Variants in MAPDA observed in about 807,000 individuals in gnomAD.
MAPDA encodes the protein N6-Methyl-AMP deaminase, also known as N6,N6-dimethyl-AMP deaminase.
At chr15:43,333,446 C>T in the MAPDA span, 44 of 151,692 alleles carry the variant, frequency 2.9e-4, no homozygotes, top group African/African-American at 1.0e-3. Context: ...TATGTTTTTC[C>T]ATTTTAATTA....
chr15:43,351,861 C>G, the MAPDA span: 2 of 1,551,656 alleles, frequency 1.3e-6, no homozygotes, highest in Non-Finnish European at 1.7e-6. Flanking sequence ...ATGAATCCAT[C>G]AACTACATCT....
the MAPDA span, among the ~76,000 whole-genome samples, chr15:43,342,447 A>T: frequency 0.03 from 3,885 of 128,804 alleles, 67 homozygotes; most frequent in Non-Finnish European, 0.043. Flanking sequence ...TATCCCTTTT[A>T]AAAAAAAAAA....
At chr15:43,342,372 C>T in the MAPDA span, among the ~76,000 whole-genome samples, 1 of 150,644 alleles carries the variant, frequency 6.6e-6, no homozygotes, top group Admixed American at 6.6e-5. Context: ...ACACTAAGCC[C>T]GAGCAGGATT....
At chr15:43,354,221 A>T in the MAPDA span, 1 of 152,180 alleles carries the variant, frequency 6.6e-6, no homozygotes, top group Non-Finnish European at 1.5e-5. Flanking sequence ...GAGCAGAGGA[A>T]AAAAGTTTGT....
At chr15:43,335,833 G>A in the MAPDA span, 2 of 1,610,322 alleles carry the variant, frequency 1.2e-6, no homozygotes, top group African/African-American at 2.7e-5. Context: ...AAGAGTAAGT[G>A]TGGGGAGGTT....
chr15:43,349,011 G>GGT, the MAPDA span: 5 of 1,614,044 alleles, frequency 3.1e-6, no homozygotes, highest in African/African-American at 6.7e-5. Context: ...CCCTGGATCT[G>GGT]GTGGACTTTG....
At chr15:43,331,838 A>C in the MAPDA span, 1 of 152,242 alleles carries the variant, frequency 6.6e-6, no homozygotes, top group Non-Finnish European at 1.5e-5. Context: ...AGAAGGAAAA[A>C]AGGGTCAGGG....
At chr15:43,344,762 T>C in the MAPDA span, among the ~76,000 whole-genome samples, 67,977 of 149,042 alleles carry the variant, frequency 0.46, 19,705 homozygotes, top group African/African-American at 0.83. Context: ...GCTGAGATCG[T>C]GCCATTTCAC....
At chr15:43,333,319 AGT>A in the MAPDA span, 2 of 151,940 alleles carry the variant, frequency 1.3e-5, no homozygotes, top group Admixed American at 1.3e-4. Flanking sequence ...AGGAGGCTGA[AGT>A]GGGAGGATCG....
the MAPDA span, among the ~76,000 whole-genome samples, chr15:43,344,488 A>C: frequency 3.3e-5 from 5 of 152,194 alleles, no homozygotes; most frequent in African/African-American, 1.2e-4. Context: ...TGCTTTAAAA[A>C]ATTATAGGGG....
At chr15:43,343,719 C>G in the MAPDA span, among the ~76,000 whole-genome samples, 1 of 151,824 alleles carries the variant, frequency 6.6e-6, no homozygotes, top group African/African-American at 2.4e-5. Flanking sequence ...TGTAGTGAAG[C>G]CAAGGACCTT....
chr15:43,330,429 C>T, the MAPDA span: 5 of 1,558,442 alleles, frequency 3.2e-6, no homozygotes, highest in Non-Finnish European at 4.3e-6. Flanking sequence ...TTGCTGAGGG[C>T]GCTGCTGTCG....
At chr15:43,351,686 A>T in the MAPDA span, 1 of 1,443,540 alleles carries the variant, frequency 6.9e-7, no homozygotes. Context: ...CTCTAAACAA[A>T]AAGATGGTTG....
chr15:43,340,500 CCT>C, the MAPDA span: 4 of 642,896 alleles, frequency 6.2e-6, 1 homozygote, highest in South Asian at 8.0e-5. Flanking sequence ...CAGTCCAAGT[CCT>C]CTCTCTGATG....
At chr15:43,345,744 C>T in the MAPDA span, 1 of 1,326,282 alleles carries the variant, frequency 7.5e-7, no homozygotes, top group South Asian at 1.3e-5. Flanking sequence ...CTATACTTTT[C>T]CTAGTGAGAT....
the MAPDA span, chr15:43,351,780 C>T: frequency 1.3e-6 from 2 of 1,550,286 alleles, no homozygotes; most frequent in Non-Finnish European, 1.7e-6. Flanking sequence ...TTGCAACACA[C>T]CTTTCTCAAG....
chr15:43,343,178 T>C, the MAPDA span: 2 of 765,968 alleles, frequency 2.6e-6, no homozygotes, highest in Non-Finnish European at 4.0e-6. Flanking sequence ...TAATCATTCA[T>C]TGATTTATAC....
At chr15:43,334,959 A>T in the MAPDA span, 3 of 591,398 alleles carry the variant, frequency 5.1e-6, no homozygotes, top group Non-Finnish European at 8.7e-6. Flanking sequence ...AGCTGAACCC[A>T]GATCTACACA....
At chr15:43,330,686 G>A in the MAPDA span, 1 of 526,492 alleles carries the variant, frequency 1.9e-6, no homozygotes, top group Admixed American at 3.8e-5. Flanking sequence ...CCAGTGCTAA[G>A]TTCGCTTGCG....
Sources: gnomAD v4.1 joint callset for allele counts (sites outside exome capture counted in the v4.1 genomes callset) on GRCh38, gnomAD v4.1.1 for gene constraint, MANE v1.5 for transcripts, NCBI Gene and HGNC (gene_info 2026-07-23, HGNC 2026-07-21) for gene names.